SGCZ: variants seen among roughly 807,000 people sequenced by gnomAD.
The protein encoded by SGCZ is sarcoglycan zeta.
In SGCZ, 40 loss-of-function variants were observed where a neutral mutation model predicts 41.3. The observed-to-expected ratio is 0.97, with a 90% confidence interval of 0.75 to 1.26. The LOEUF (loss-of-function observed/expected upper bound fraction) is 1.26. Ranked by LOEUF, SGCZ falls within the 50% of genes most tolerant of loss-of-function variation. SGCZ has a pLI of 0.00. For missense variants in SGCZ, 552 were observed against 369.8 expected, an observed-to-expected ratio of 1.49 and a Z score of -4.04; for synonymous variants, 206 against 137.5, an observed-to-expected ratio of 1.50 and a Z score of -3.49.
rs988378158 is a variant in SGCZ at position 14,865,124 on chromosome 8, C to T, written c.40-310198G>A. On this transcript the variant is annotated intron_variant, in intron 1 of 7. Coordinates refer to ENST00000382080, the MANE Select transcript of SGCZ (RefSeq NM_139167.4). The stretch of plus-strand genomic sequence containing the variant: ...AAAAAATGTGCAATAGTTCCTGCTA[C>T]CTATAAGATAAAACTCAGTGTCCTT... 3.3e-5 allele frequency among the ~76,000 whole-genome samples: 5 copies of T among 151,978 alleles called. No individual in the cohort carries two copies. In the East Asian group the frequency reaches 9.7e-4, roughly 29 times the overall value.
chr8:15,135,572 G>A (rs186825347), intron 1 of SGCZ, among the ~76,000 whole-genome samples: 5 of 152,318 alleles, frequency 3.3e-5, no homozygotes, highest in Admixed American at 2.6e-4. Flanking sequence ...GAGCAAGAAC[G>A]TTTTTCTGTC....
At chr8:14,361,760 A>T (rs1803522184) in intron 2 of SGCZ, among the ~76,000 whole-genome samples, 1 of 152,138 alleles carries the variant, frequency 6.6e-6, no homozygotes. Context: ...GAGAAGAGGC[A>T]TTCCGGTTTT....
intron 1 of SGCZ, among the ~76,000 whole-genome samples, chr8:14,815,439 T>C (rs1036039914): frequency 6.6e-6 from 1 of 151,796 alleles, no homozygotes; most frequent in East Asian, 1.9e-4. Flanking sequence ...AGGGACTAGA[T>C]GGATGTAGAG....
At chr8:14,335,811 G>T (rs1448881413) in intron 2 of SGCZ, among the ~76,000 whole-genome samples, 1 of 152,046 alleles carries the variant, frequency 6.6e-6, no homozygotes, top group Non-Finnish European at 1.5e-5. Context: ...CTATTTGTTT[G>T]TGTGTCAGCT....
chr8:14,870,297 C>A (rs1451766757), intron 1 of SGCZ, among the ~76,000 whole-genome samples: 1 of 152,090 alleles, frequency 6.6e-6, no homozygotes, highest in Non-Finnish European at 1.5e-5. Context: ...TGGAGACCAT[C>A]CTGGCCAACG....
intron 1 of SGCZ, among the ~76,000 whole-genome samples, chr8:14,816,264 G>C (rs1801900586): frequency 6.6e-6 from 1 of 152,192 alleles, no homozygotes; most frequent in Admixed American, 6.5e-5. Flanking sequence ...CAGTTCTACA[G>C]CTCTTCAACG....
chr8:14,506,188 C>T (rs997256823), intron 2 of SGCZ, among the ~76,000 whole-genome samples: 2 of 147,092 alleles, frequency 1.4e-5, no homozygotes, highest in Admixed American at 6.6e-5. Flanking sequence ...AACAAACAAA[C>T]AAACAAACAA....
chr8:14,233,846 T>C (rs954987496), intron 4 of SGCZ, among the ~76,000 whole-genome samples: 22 of 151,872 alleles, frequency 1.4e-4, no homozygotes, highest in African/African-American at 5.3e-4. Context: ...ACCTGGAGAA[T>C]GGTTCTGAGA....
At chr8:14,847,333 C>T (rs561126006) in intron 1 of SGCZ, among the ~76,000 whole-genome samples, 1 of 151,926 alleles carries the variant, frequency 6.6e-6, no homozygotes, top group African/African-American at 2.4e-5. Context: ...AGTTTGTGGA[C>T]CAATATCCCT....
At chr8:15,071,861 T>C (rs1225549225) in intron 1 of SGCZ, among the ~76,000 whole-genome samples, 1 of 151,812 alleles carries the variant, frequency 6.6e-6, no homozygotes, top group Non-Finnish European at 1.5e-5. Flanking sequence ...CAGAGGTGAG[T>C]TCGCTGAAGA....
intron 1 of SGCZ, among the ~76,000 whole-genome samples, chr8:15,223,914 G>C (rs1277675177): frequency 6.6e-6 from 1 of 150,970 alleles, no homozygotes; most frequent in African/African-American, 2.5e-5. Context: ...GAGTGCAACG[G>C]TGCAATCTCA....
chr8:14,225,992 A>C (rs2410168), intron 4 of SGCZ, among the ~76,000 whole-genome samples: 140,528 of 151,932 alleles, frequency 0.92, 65,178 homozygotes, highest in Middle Eastern at 0.98. Flanking sequence ...AAAATCCATG[A>C]AATCATAAGG....
chr8:14,993,086 T>A (rs1228281447), intron 1 of SGCZ, among the ~76,000 whole-genome samples: 1 of 152,198 alleles, frequency 6.6e-6, no homozygotes, highest in African/African-American at 2.4e-5. Context: ...TTACCTCTCA[T>A]ACATCCTCTT....
intron 1 of SGCZ, among the ~76,000 whole-genome samples, chr8:15,011,682 G>A (rs181959773): frequency 2.0e-5 from 3 of 152,042 alleles, no homozygotes; most frequent in East Asian, 1.9e-4. Flanking sequence ...CCCCACAAAA[G>A]GTATCATTGC....
chr8:14,442,137 C>A (rs1218704898), intron 2 of SGCZ, among the ~76,000 whole-genome samples: 1 of 152,208 alleles, frequency 6.6e-6, no homozygotes, highest in Non-Finnish European at 1.5e-5. Context: ...TAAAACTCTT[C>A]CCCCTTGATA....
At chr8:15,093,736 T>C (rs867128199) in intron 1 of SGCZ, among the ~76,000 whole-genome samples, 1 of 152,232 alleles carries the variant, frequency 6.6e-6, no homozygotes, top group African/African-American at 2.4e-5. Context: ...TTAATTGATT[T>C]ATGACGATTT....
chr8:14,810,942 C>T (rs1333460916), intron 1 of SGCZ, among the ~76,000 whole-genome samples: 1 of 151,956 alleles, frequency 6.6e-6, no homozygotes, highest in East Asian at 1.9e-4. Context: ...ACTTGGAAAA[C>T]AATTTTAAAA....
intron 3 of SGCZ, among the ~76,000 whole-genome samples, chr8:14,262,264 G>C (rs891679952): frequency 2.0e-5 from 3 of 152,120 alleles, no homozygotes; most frequent in African/African-American, 7.2e-5. Context: ...TGCTACAAAA[G>C]TGATACACGT....
intron 1 of SGCZ, among the ~76,000 whole-genome samples, chr8:14,848,157 G>A (rs1000580357): frequency 6.6e-6 from 1 of 152,008 alleles, no homozygotes; most frequent in Admixed American, 6.5e-5. Context: ...GGTAAATATG[G>A]TAAATAATGT....
Sources: gnomAD v4.1 joint callset for allele counts (sites outside exome capture counted in the v4.1 genomes callset) on GRCh38, gnomAD v4.1.1 for gene constraint, MANE v1.5 for transcripts, NCBI Gene and HGNC (gene_info 2026-07-23, HGNC 2026-07-21) for gene names.